PTPN11: variants seen among roughly 807,000 people sequenced by gnomAD.
The protein encoded by PTPN11 is tyrosine-protein phosphatase non-receptor type 11.
PTPN11 carries 6 observed loss-of-function variants against 78.8 expected under a neutral mutation model. That is an observed-to-expected ratio of 0.08 (90% confidence interval 0.04 to 0.15). The LOEUF is 0.15. Among genes scored for constraint, PTPN11 ranks in the 10% least tolerant of loss-of-function variants. The pLI is 1.00. For synonymous variants in PTPN11, 221 were observed against 263.5 expected (o/e 0.84, Z 1.56); for missense variants, 386 against 744.8 (o/e 0.52, Z 5.61).
chr12:112,439,833 A>G (rs1428483167), intron 1 of PTPN11, among the ~76,000 whole-genome samples: 1 of 151,534 alleles, frequency 6.6e-6, no homozygotes, highest in Non-Finnish European at 1.5e-5. Context: ...TAAACCCAAT[A>G]TTCTGAAAGA....
Position 112,450,426 on chromosome 12 carries a change from G to A in PTPN11, c.246G>A (p.Met82Ile), listed in dbSNP as rs753788277. The A allele has an allele frequency of 6.2e-7, 1 of 1,613,892 alleles. No individual in the cohort carries two copies. The highest frequency in any genetic ancestry group is 8.5e-7 in the Non-Finnish European group (1 of 1,179,826). ...TGGCTGAGTTGGTCCAGTATTACAT[G>A]GAACATCACGGGCAATTAAAAGAGA... Reference protein sequence around the residue: ...ATLAELVQYYMEHHGQLKEKN... With the variant: ...ATLAELVQYYIEHHGQLKEKN... Residue 82 changes from methionine (M) to isoleucine (I), a missense_variant, in exon 3 of 16, where the codon ATG becomes ATA. Around this residue, in one of 3 missense-constraint regions of PTPN11, gnomAD observed 279 missense variants for 503.3 expected, o/e 0.55. Transcript: ENST00000351677.
chr12:112,472,326 T>G (rs1414948496), intron 6 of PTPN11, among the ~76,000 whole-genome samples: 1 of 152,144 alleles, frequency 6.6e-6, no homozygotes, highest in Non-Finnish European at 1.5e-5. Context: ...AAGTGTATGA[T>G]TACATCATAT....
At chr12:112,464,253 A>G (rs1397502260) in intron 6 of PTPN11, among the ~76,000 whole-genome samples, 3 of 152,152 alleles carry the variant, frequency 2.0e-5, no homozygotes, top group Admixed American at 6.5e-5. Flanking sequence ...TTTGCCTTTG[A>G]TGCACTTTAA....
chr12:112,487,012 A>G, intron 11 of PTPN11: 1 of 852,182 alleles, frequency 1.2e-6, no homozygotes, highest in East Asian at 4.4e-5. Context: ...TGTGGTGGAA[A>G]TAGGCCTGAC....
intron 9 of PTPN11, 121 bp from the exon 10 acceptor site, chr12:112,481,952 GA>G (rs2135906522): frequency 9.2e-7 from 1 of 1,090,682 alleles, no homozygotes; most frequent in East Asian, 2.6e-5. Flanking sequence ...TAACAGATGC[GA>G]AACAGGCCAT....
chr12:112,430,571 GGT>G (rs984446622), intron 1 of PTPN11, among the ~76,000 whole-genome samples: 11 of 151,492 alleles, frequency 7.3e-5, no homozygotes, highest in African/African-American at 2.7e-4. Flanking sequence ...TGGGACCACA[GGT>G]GTGGGCCACC....
chr12:112,442,415 T>A (rs1738051187), intron 1 of PTPN11, among the ~76,000 whole-genome samples: 1 of 152,056 alleles, frequency 6.6e-6, no homozygotes, highest in African/African-American at 2.4e-5. Flanking sequence ...ATGATGAGCA[T>A]TTCCTTTGAG....
At chr12:112,481,683 C>T (rs571403409) in intron 9 of PTPN11, among the ~76,000 whole-genome samples, 76 of 152,074 alleles carry the variant, frequency 5.0e-4, no homozygotes, top group Admixed American at 1.4e-3. Context: ...AGTAGAGACA[C>T]GGTTTCACCA....
chr12:112,509,478 C>T lies in PTPN11; in HGVS notation c.*3686C>T, dbSNP rs189762784. The T allele has an allele frequency of 1.3e-5, 2 of 152,706 alleles. No individual in the cohort carries two copies. Among genetic ancestry groups the T allele is most frequent in the Admixed American group, 1.3e-4 (2 of 15,296 alleles). The allele number at this position is 152,706 out of a possible 1,614,324, so 9.5% of individuals were successfully genotyped here. On this transcript the variant is annotated 3_prime_UTR_variant, in exon 16 of 16. Coordinates refer to ENST00000351677, the MANE Select transcript of PTPN11 (RefSeq NM_002834.5). Reference sequence around the variant, plus strand: ...AATGGGAAAAGGATCCCTGATTAAGCTGATGACTAGACCTACAATTAATTT... The same window carrying T: ...AATGGGAAAAGGATCCCTGATTAAGTTGATGACTAGACCTACAATTAATTT...
At chr12:112,467,339 T>C (rs2038346097) in intron 6 of PTPN11, among the ~76,000 whole-genome samples, 1 of 152,140 alleles carries the variant, frequency 6.6e-6, no homozygotes, top group South Asian at 2.1e-4. Context: ...GAGGTTTAAT[T>C]GGCTCATGGT....
intron 9 of PTPN11, among the ~76,000 whole-genome samples, chr12:112,478,890 G>A (rs1375702842): frequency 6.6e-6 from 1 of 152,036 alleles, no homozygotes; most frequent in African/African-American, 2.4e-5. Flanking sequence ...GTGCCACCAC[G>A]CCTGGCTAAT....
chr12:112,429,876 G>T (rs1468495879), intron 1 of PTPN11, among the ~76,000 whole-genome samples: 2 of 151,880 alleles, frequency 1.3e-5, no homozygotes, highest in East Asian at 1.9e-4. Flanking sequence ...GTATTAAAAA[G>T]AAATTTTTAG....
At chr12:112,461,140 T>C (rs941410256) in intron 6 of PTPN11, among the ~76,000 whole-genome samples, 4 of 152,180 alleles carry the variant, frequency 2.6e-5, no homozygotes, top group Admixed American at 6.5e-5. Context: ...GTTTATGTCC[T>C]GTTGTTTCTT....
At chr12:112,425,246 G>T (rs1413594072) in intron 1 of PTPN11, among the ~76,000 whole-genome samples, 1 of 152,052 alleles carries the variant, frequency 6.6e-6, no homozygotes, top group South Asian at 2.1e-4. Context: ...ATGTTCATCA[G>T]TGGGGGGGGC....
At chr12:112,467,558 G>A (rs2038350169) in intron 6 of PTPN11, among the ~76,000 whole-genome samples, 2 of 152,122 alleles carry the variant, frequency 1.3e-5, no homozygotes, top group Non-Finnish European at 2.9e-5. Flanking sequence ...GCAGTGGCGT[G>A]ATCTCAGCTC....
At chr12:112,486,288 G>A (rs1032875373) in intron 10 of PTPN11, among the ~76,000 whole-genome samples, 187 bp from the exon 11 acceptor site, 46 of 152,172 alleles carry the variant, frequency 3.0e-4, no homozygotes, top group Non-Finnish European at 4.0e-4. Context: ...TATGACAGAG[G>A]CAAAGAGTTG....
At chr12:112,445,495 C>T (rs1005742032) in intron 1 of PTPN11, among the ~76,000 whole-genome samples, 12 of 152,284 alleles carry the variant, frequency 7.9e-5, no homozygotes, top group African/African-American at 2.2e-4. Flanking sequence ...TTAAAAATTA[C>T]AGTTTGCACT....
At chr12:112,455,520 C>A (rs569922459) in intron 5 of PTPN11, among the ~76,000 whole-genome samples, 1 of 152,234 alleles carries the variant, frequency 6.6e-6, no homozygotes, top group African/African-American at 2.4e-5. Context: ...TAGGCATGAG[C>A]CACTGCATCT....
At chr12:112,451,745 A>G (rs952812816) in intron 3 of PTPN11, among the ~76,000 whole-genome samples, 1 of 152,248 alleles carries the variant, frequency 6.6e-6, no homozygotes, top group African/African-American at 2.4e-5. Flanking sequence ...TATAGGTTGT[A>G]TATATGGAAA....
Sources: gnomAD v4.1 joint callset for allele counts (sites outside exome capture counted in the v4.1 genomes callset) on GRCh38, gnomAD v4.1.1 for gene constraint, gnomAD v4.1.1 regional missense constraint, MANE v1.5 for transcripts, NCBI Gene and HGNC (gene_info 2026-07-23, HGNC 2026-07-21) for gene names.